The following TMEM184C variants were observed in gnomAD, a reference collection of about 807,000 sequenced individuals.
TMEM184C encodes transmembrane protein 184C, also known as transmembrane protein 34.
A neutral mutation model predicts 54.5 loss-of-function variants in TMEM184C; 25 were observed. The observed-to-expected ratio is 0.46, with a 90% confidence interval of 0.33 to 0.64. TMEM184C has a LOEUF of 0.64. Ranked by LOEUF, TMEM184C falls within the 30% of genes least tolerant of loss-of-function variation. TMEM184C has a pLI of 0.02. For synonymous variants in TMEM184C, 148 were observed against 181.5 expected, an observed-to-expected ratio of 0.82 and a Z score of 1.49; for missense variants, 335 against 520.3, an observed-to-expected ratio of 0.64 and a Z score of 3.46.
Position 147,623,815 on chromosome 4 carries a change from T to C in TMEM184C, c.124-19T>C, listed in dbSNP as rs1443655827. The C allele has an allele frequency of 6.2e-7, 1 of 1,611,436 alleles. No homozygotes were observed. The highest frequency in any genetic ancestry group is 8.5e-7 in the Non-Finnish European group (1 of 1,178,820). Reference sequence around the variant, plus strand: ...TTTAATATCAGAATTTATATTAACATGTTATTTTGTTTCTTAAGGTTGGAA... The same window carrying C: ...TTTAATATCAGAATTTATATTAACACGTTATTTTGTTTCTTAAGGTTGGAA... On this transcript the variant is annotated intron_variant, in intron 1 of 9. Coordinates refer to ENST00000296582, the MANE Select transcript of TMEM184C (RefSeq NM_018241.3).
Position 147,629,600 on chromosome 4 carries a change from ATCTGTGAGCTGC to A in TMEM184C, c.576_587del (p.Cys193_Leu196del), listed in dbSNP as rs1732877181. ...ATATCTCATTTTTACTATTTTTAGA[ATCTGTGAGCTGC>A]TTGGTATATATGACGAAGGGAACTT... is the stretch of plus-strand genomic sequence containing the variant. On this transcript the variant is annotated inframe_deletion and splice_region_variant, in exon 6 of 10. Transcript: ENST00000296582. The A allele has an allele frequency of 6.3e-7, 1 of 1,590,022 alleles. No homozygotes were observed. The highest frequency in any genetic ancestry group is 1.4e-5 in the African/African-American group (1 of 73,706).
At chr4:147,627,962 A>G (rs1732845123) in intron 4 of TMEM184C, among the ~76,000 whole-genome samples, 1 of 151,032 alleles carries the variant, frequency 6.6e-6, no homozygotes, top group South Asian at 2.1e-4. Flanking sequence ...CAGGAGGTCA[A>G]GAGTAGCCTG....
chr4:147,635,157 T>TAACA lies in TMEM184C; in HGVS notation c.*728_*731dup, dbSNP rs572453421. The TAACA allele has an allele frequency of 2.4e-4, 37 of 152,344 alleles. No homozygotes were observed. In the East Asian group the frequency reaches 4.0e-3, roughly 17 times the overall value. 9.4% of individuals were successfully genotyped at this position (152,344 alleles called of 1,614,324 possible). A position where few individuals can be genotyped will look rare whatever the true frequency, so the allele number is the denominator to read the frequency against. ...TAATCATGTGCCATATAAGCTTACC[T>TAACA]AACAAACAGTTATATCCCTATTCCT... On this transcript the variant is annotated 3_prime_UTR_variant, in exon 10 of 10. Transcript: ENST00000296582.
intron 1 of TMEM184C, among the ~76,000 whole-genome samples, chr4:147,621,968 C>CT (rs957699232): frequency 1.4e-5 from 2 of 140,144 alleles, no homozygotes; most frequent in Non-Finnish European, 3.0e-5. Context: ...CTTGGCAATA[C>CT]TTTTTTTTCT....
At position 147,617,804 on chromosome 4, in the gene TMEM184C, G is replaced by T; in HGVS notation, c.-153G>T. On this transcript the variant is annotated 5_prime_UTR_variant, in exon 1 of 10. Transcript: ENST00000296582. ...CAGCAGCAGCAGAAGACACAGCGCC[G>T]GTCCAGGAGGCGGCTCGAGCTGTTC... 9.8e-7 allele frequency: 1 copy of T among 1,021,166 alleles called. No homozygotes were observed. Among genetic ancestry groups the T allele is most frequent in the Admixed American group, 1.9e-5 (1 of 52,338 alleles). The allele number at this position is 1,021,166 out of a possible 1,614,324, so 63.3% of individuals were successfully genotyped here. A position where few individuals can be genotyped will look rare whatever the true frequency, so the allele number is the denominator to read the frequency against.
intron 4 of TMEM184C, among the ~76,000 whole-genome samples, chr4:147,626,334 C>T (rs367622985): frequency 2.2e-4 from 34 of 152,260 alleles, no homozygotes; most frequent in African/African-American, 3.9e-4. Context: ...GTTCAGCCTA[C>T]GCCCAGGAAT....
chr4:147,622,659 T>C (rs1732734098), intron 1 of TMEM184C, among the ~76,000 whole-genome samples: 1 of 152,234 alleles, frequency 6.6e-6, no homozygotes, highest in Non-Finnish European at 1.5e-5. Context: ...CCCTGTAATA[T>C]GAGTGCTCAG....
At position 147,629,725 on chromosome 4, in the gene TMEM184C, C is replaced by G. The variant is rs774008694; in HGVS notation, c.666+33C>G. 2 of 1,458,928 alleles carry G rather than the reference C, an allele frequency of 1.4e-6. 1 individual carries two copies. Among genetic ancestry groups the G allele is most frequent in the South Asian group, 2.8e-5 (2 of 71,132 alleles). The allele number at this position is 1,458,928 out of a possible 1,614,324, so 90.4% of individuals were successfully genotyped here. On this transcript the variant is annotated intron_variant, in intron 6 of 9. Transcript: ENST00000296582. The stretch of plus-strand genomic sequence containing the variant: ...AAATGTTCACTTTTCTTAAACTGTA[C>G]TAAATTCGTATCTATAACTAAATTT...
chr4:147,621,551 A>G (rs1732709004), intron 1 of TMEM184C, among the ~76,000 whole-genome samples: 1 of 152,214 alleles, frequency 6.6e-6, no homozygotes, highest in South Asian at 2.1e-4. Flanking sequence ...TTCTGCAGAT[A>G]GCTAGTGTTG....
In TMEM184C at chr4:147,635,725, T is replaced by A. The variant is rs1349809866; in HGVS notation, c.*1291T>A. ...CTATTAAAACTAAAACTGGGCTCTA[T>A]GTAAAAACCCCAAAGATACACACAC... On this transcript the variant is annotated 3_prime_UTR_variant, in exon 10 of 10. Transcript: ENST00000296582. 1 of 152,076 alleles carries A rather than the reference T, an allele frequency of 6.6e-6. No homozygotes were observed. Among genetic ancestry groups the A allele is most frequent in the Non-Finnish European group, 1.5e-5 (1 of 67,988 alleles). The allele number at this position is 152,076 out of a possible 1,614,324, so 9.4% of individuals were successfully genotyped here.
intron 1 of TMEM184C, among the ~76,000 whole-genome samples, chr4:147,621,757 G>A (rs1732713850): frequency 6.6e-6 from 1 of 152,010 alleles, no homozygotes; most frequent in South Asian, 2.1e-4. Flanking sequence ...ATATTATGTG[G>A]TACAGGATTT....
intron 3 of TMEM184C, 144 bp from the exon 4 acceptor site, chr4:147,624,657 CATA>C: frequency 1.5e-6 from 1 of 675,564 alleles, no homozygotes. Flanking sequence ...TGATAGCCCT[CATA>C]ATGATAAATT....
Position 147,617,967 on chromosome 4 carries a change from C to T in TMEM184C, c.11C>T (p.Thr4Ile). MPC[T>I]CTWRNWRQWI... ...GATTTGTGCGAAAACATGCCTTGCA[C>T]TTGTACCTGGAGGAACTGGAGACAG... The change falls in exon 1 of 10, where the codon ACT (threonine) becomes ATT (isoleucine). Residue 4 changes from threonine to isoleucine, a missense_variant. Physicochemically the swap from Thr to Ile is moderately conservative, Grantham distance 89. Coordinates refer to ENST00000296582, the MANE Select transcript of TMEM184C (RefSeq NM_018241.3). The T allele has an allele frequency of 1.9e-6, 3 of 1,614,176 alleles. No individual in the cohort carries two copies. Among genetic ancestry groups the T allele is most frequent in the Non-Finnish European group, 1.7e-6 (2 of 1,180,010 alleles).
chr4:147,629,599 A>G lies in TMEM184C; in HGVS notation c.573A>G (p.Leu191=). 6.3e-7 allele frequency: 1 copy of G among 1,589,088 alleles called. No homozygotes were observed. The stretch of plus-strand genomic sequence containing the variant: ...GATATCTCATTTTTACTATTTTTAG[A>G]ATCTGTGAGCTGCTTGGTATATATG... ...VVRPFTTIVA[L]ICELLGIYDE... is the part of the protein sequence containing the mutation. The change falls in exon 6 of 10, where the codon TTA becomes TTG. Residue 191 remains leucine, a splice_region_variant and synonymous_variant. Transcript: ENST00000296582.
rs187170355 is a variant in TMEM184C at position 147,623,716 on chromosome 4, G to C, written c.124-118G>C. 3.3e-6 allele frequency: 3 copies of C among 899,784 alleles called. No homozygotes were observed. The South Asian group carries it at 4.8e-5, about 14-fold the overall frequency. 55.7% of individuals were successfully genotyped at this position (899,784 alleles called of 1,614,324 possible). On this transcript the variant is annotated intron_variant, in intron 1 of 9. Transcript: ENST00000296582. ...TGGTTTCAAACTCCTGGCCTCAAGC[G>C]ATCCTCCCACCTCGGCCTCCCCAAG...
At chr4:147,625,570 A>T (rs1022955350) in intron 4 of TMEM184C, among the ~76,000 whole-genome samples, 4 of 152,258 alleles carry the variant, frequency 2.6e-5, no homozygotes, top group Non-Finnish European at 5.9e-5. Context: ...ACAGTGTTTT[A>T]GAAAGATTAA....
Position 147,633,011 on chromosome 4 carries a change from T to G in TMEM184C, c.879+9T>G. ...TGGCCACCGGACTCCAGGTAAGTAG[T>G]GCCATCTCTGAATTCAATAGAACTT... On this transcript the variant is annotated intron_variant, in intron 8 of 9. Coordinates refer to ENST00000296582, the MANE Select transcript of TMEM184C (RefSeq NM_018241.3). The G allele has an allele frequency of 6.2e-7, 1 of 1,607,164 alleles. No individual in the cohort carries two copies. Among genetic ancestry groups the G allele is most frequent in the Non-Finnish European group, 8.5e-7 (1 of 1,174,554 alleles).
chr4:147,631,340 T>G (rs1006350842), intron 6 of TMEM184C, 53 bp from the exon 7 acceptor site: 11 of 1,357,088 alleles, frequency 8.1e-6, no homozygotes, highest in African/African-American at 1.5e-5. Context: ...ACTTTAATAT[T>G]TCTATTACCA....
At chr4:147,623,658 G>A (rs200943966) in intron 1 of TMEM184C, among the ~76,000 whole-genome samples, 176 bp from the exon 2 acceptor site, 1 of 52,686 alleles carries the variant, frequency 1.9e-5, no homozygotes, top group African/African-American at 6.1e-5. Flanking sequence ...TTTTTTTTTT[G>A]TAGTGACGGG....
Sources: allele counts gnomAD v4.1 joint callset (sites outside exome capture counted in the v4.1 genomes callset), GRCh38; gene constraint gnomAD v4.1.1; transcripts MANE v1.5; gene names NCBI Gene and HGNC (gene_info 2026-07-23, HGNC 2026-07-21).